ABCD3: variants seen among roughly 807,000 people sequenced by gnomAD.
The protein encoded by ABCD3 is ATP binding cassette subfamily D member 3, also known as ATP-binding cassette sub-family D member 3.
Under a neutral mutation model 105.5 loss-of-function variants are expected in ABCD3, and 41 were observed. The ratio of observed to expected loss-of-function variants is 0.39; its 90% CI spans 0.30 to 0.50. The LOEUF is 0.50. Among genes scored for constraint, ABCD3 ranks in the 20% least tolerant of loss-of-function variants. The pLI, the probability that ABCD3 is intolerant of heterozygous loss-of-function variation, is 0.84. For synonymous variants in ABCD3, 258 were observed against 269.0 expected (o/e 0.96, Z 0.40); for missense variants, 622 against 806.3 (o/e 0.77, Z 2.77).
rs574364015 is a variant in ABCD3 at position 94,481,270 on chromosome 1, T to A, written c.827+664T>A. 2.0e-5 allele frequency among the ~76,000 whole-genome samples: 3 copies of A among 152,350 alleles called. No individual in the cohort carries two copies. In the South Asian group the frequency reaches 6.2e-4, roughly 32 times the overall value. ...TAAATGTTCTCATATATTGATCTGT[T>A]AATGTTAAGTCATTTTGAGGGTTCT... On this transcript the variant is annotated intron_variant, in intron 9 of 22. Transcript: ENST00000370214.
chr1:94,478,922 C>G (rs138182103), intron 8 of ABCD3, among the ~76,000 whole-genome samples: 409 of 152,168 alleles, frequency 2.7e-3, no homozygotes, highest in African/African-American at 9.5e-3. Flanking sequence ...GCAAGAATCA[C>G]TTTTAAGTTT....
chr1:94,401,113 T>C, the ABCD3 span, among the ~76,000 whole-genome samples: 3 of 152,182 alleles, frequency 2.0e-5, no homozygotes, highest in Non-Finnish European at 4.4e-5. Context: ...GCCTCCAGAA[T>C]GTAAGAAATA....
At chr1:94,473,937 TAA>T in intron 5 of ABCD3, 102 bp downstream of exon 5, 1 of 849,438 alleles carries the variant, frequency 1.2e-6, no homozygotes, top group Non-Finnish European at 1.9e-6. Flanking sequence ...CTTATGATAC[TAA>T]GTTCCTATTT....
intron 1 of ABCD3, among the ~76,000 whole-genome samples, chr1:94,439,545 T>C (rs1032495239): frequency 6.6e-6 from 1 of 152,148 alleles, no homozygotes; most frequent in Non-Finnish European, 1.5e-5. Context: ...AGGAGGCTGA[T>C]ACAGGAGAAC....
chr1:94,387,083 T>C, the ABCD3 span, among the ~76,000 whole-genome samples: 1 of 152,226 alleles, frequency 6.6e-6, no homozygotes, highest in Non-Finnish European at 1.5e-5. Flanking sequence ...TTTTGGAACA[T>C]TTTTTCTATG....
chr1:94,478,553 A>G (rs1403024890), intron 8 of ABCD3: 1 of 1,598,680 alleles, frequency 6.3e-7, no homozygotes, highest in Non-Finnish European at 8.5e-7. Context: ...GGCATTAAAA[A>G]CCAGACAAAT....
chr1:94,402,650 C>T, the ABCD3 span, among the ~76,000 whole-genome samples: 2 of 152,140 alleles, frequency 1.3e-5, no homozygotes, highest in Non-Finnish European at 2.9e-5. Flanking sequence ...GTCCTCTACC[C>T]CCTTCACGCT....
chr1:94,484,231 A>G (rs1490541305), intron 10 of ABCD3, among the ~76,000 whole-genome samples: 1 of 152,224 alleles, frequency 6.6e-6, no homozygotes, highest in African/African-American at 2.4e-5. Context: ...ACAGTGTGGC[A>G]ATTCCTCAGG....
Position 94,489,933 on chromosome 1 carries a change from T to C in ABCD3, c.1280T>C (p.Ile427Thr). The change falls in exon 15 of 23, where the codon ATA (isoleucine) becomes ACA (threonine). Residue 427 changes from isoleucine to threonine, a missense_variant. Ile to Thr is a moderately conservative substitution (Grantham distance 89). Transcript: ENST00000370214. ...GAAGGAGTACAAGTCATTCCCTTGA[T>C]ACCTGGTGCTGGAGAAATCATTATT... ...GIEGVQVIPL[I>T]PGAGEIIIAD... The C allele has an allele frequency of 6.2e-7, 1 of 1,613,250 alleles. No homozygotes were observed. The highest frequency in any genetic ancestry group is 8.5e-7 in the Non-Finnish European group (1 of 1,179,360).
chr1:94,464,983 A>T, intron 3 of ABCD3, 110 bp downstream of exon 3: 1 of 928,228 alleles, frequency 1.1e-6, no homozygotes, highest in Middle Eastern at 3.0e-4. Context: ...CTGGATCTGC[A>T]GGCTGTACAA....
At chr1:94,478,385 T>A (rs1411839073) in intron 8 of ABCD3, 70 bp downstream of exon 8, 3 of 1,282,144 alleles carry the variant, frequency 2.3e-6, no homozygotes, top group Non-Finnish European at 3.4e-6. Context: ...TGTGAATAGC[T>A]TGATGGCCTG....
intron 20 of ABCD3, among the ~76,000 whole-genome samples, chr1:94,504,060 G>A (rs984719089): frequency 2.0e-5 from 3 of 151,666 alleles, no homozygotes; most frequent in African/African-American, 7.3e-5. Flanking sequence ...CTACAGGCAC[G>A]CATCACCATG....
upstream of ABCD3, among the ~76,000 whole-genome samples, chr1:94,417,822 G>A (rs1464258647): frequency 6.6e-6 from 1 of 152,168 alleles, no homozygotes; most frequent in Non-Finnish European, 1.5e-5. Context: ...TTCACAATGC[G>A]CTAGAGATTA....
intron 10 of ABCD3, among the ~76,000 whole-genome samples, chr1:94,483,836 T>C (rs934252365): frequency 2.4e-4 from 37 of 152,190 alleles, no homozygotes; most frequent in Middle Eastern, 6.8e-3. Context: ...CAAAAGAAAC[T>C]ACCATCAGAG....
chr1:94,423,333 A>G (rs1451429956), intron 1 of ABCD3, among the ~76,000 whole-genome samples: 3 of 152,344 alleles, frequency 2.0e-5, no homozygotes, highest in African/African-American at 7.2e-5. Flanking sequence ...TAATCTAGCT[A>G]GGTCTACCAA....
Position 94,472,172 on chromosome 1 carries a change from G to A in ABCD3, c.336-1594G>A, listed in dbSNP as rs965074127. On this transcript the variant is annotated intron_variant, in intron 4 of 22. Transcript: ENST00000370214. ...TTTTTTGTTAATTATTTTTTTTGCAGTGGAATAATAAGCAGAAATAAGGCT... is the reference window on the plus strand; with the variant it reads ...TTTTTTGTTAATTATTTTTTTTGCAATGGAATAATAAGCAGAAATAAGGCT... The A allele has an allele frequency of 1.9e-5, 18 of 951,616 alleles. No homozygotes were observed. In the African/African-American group the frequency reaches 3.2e-4, roughly 17 times the overall value. 58.9% of individuals were successfully genotyped at this position (951,616 alleles called of 1,614,324 possible).
At chr1:94,455,032 T>G (rs1293366850) in intron 1 of ABCD3, among the ~76,000 whole-genome samples, 2 of 152,214 alleles carry the variant, frequency 1.3e-5, no homozygotes, top group African/African-American at 4.8e-5. Context: ...TATTCTGGGT[T>G]ATCTGAATGA....
intron 20 of ABCD3, among the ~76,000 whole-genome samples, chr1:94,501,876 T>G (rs1225691288): frequency 1.8e-5 from 1 of 56,390 alleles, no homozygotes; most frequent in South Asian, 5.1e-4. Context: ...TTTGTAAATC[T>G]TTTTTTTTTT....
intron 16 of ABCD3, among the ~76,000 whole-genome samples, chr1:94,496,942 A>G (rs1649847868): frequency 1.3e-5 from 2 of 151,512 alleles, no homozygotes; most frequent in Admixed American, 6.6e-5. Flanking sequence ...TAATTTTTGT[A>G]TCTTTAGTAG....
Sources: allele counts gnomAD v4.1 joint callset (sites outside exome capture counted in the v4.1 genomes callset), GRCh38; gene constraint gnomAD v4.1.1; transcripts MANE v1.5; gene names NCBI Gene and HGNC (gene_info 2026-07-23, HGNC 2026-07-21).